The following TLE3 variants were observed in gnomAD, a reference collection of about 807,000 sequenced individuals.
TLE3 encodes transducin-like enhancer protein 3.
A neutral mutation model predicts 93.0 loss-of-function variants in TLE3; 14 were observed. The ratio of observed to expected loss-of-function variants is 0.15; its 90% CI spans 0.10 to 0.24. TLE3 has a LOEUF of 0.24. TLE3 is among the 10% of genes least tolerant of loss of function. The pLI, the probability that TLE3 is intolerant of heterozygous loss-of-function variation, is 1.00. For missense variants in TLE3, 693 were observed against 1,046.6 expected (o/e 0.66, Z 4.66); for synonymous variants, 451 against 425.0 (o/e 1.06, Z -0.75).
At chr15:70,092,631 C>A (rs941781181) in intron 4 of TLE3, among the ~76,000 whole-genome samples, 2 of 152,200 alleles carry the variant, frequency 1.3e-5, no homozygotes, top group African/African-American at 4.8e-5. Flanking sequence ...CCCTTAAGAA[C>A]CTTGTTTGGG....
intron 5 of TLE3, among the ~76,000 whole-genome samples, chr15:70,075,247 A>T (rs954625854): frequency 6.6e-6 from 1 of 152,232 alleles, no homozygotes; most frequent in Non-Finnish European, 1.5e-5. Flanking sequence ...CAACAAATGT[A>T]CCACTCTGGT....
rs2058596331 is a variant in TLE3, at chr15:70,096,936, T to C, written c.-138A>G. On this transcript the variant is annotated 5_prime_UTR_variant, in exon 1 of 20. Transcript: ENST00000451782. ...CTCGCCCCCGGCCCCCCCAGCTCGT[T>C]CTCGCAGCGAAATCCCAGAGTCGGG... is the stretch of plus-strand genomic sequence containing the variant. 1.0e-6 allele frequency: 1 copy of C among 994,204 alleles called. No homozygotes were observed. Among genetic ancestry groups the C allele is most frequent in the Non-Finnish European group, 1.5e-6 (1 of 663,716 alleles). 61.6% of individuals were successfully genotyped at this position (994,204 alleles called of 1,614,324 possible). A position where few individuals can be genotyped will look rare whatever the true frequency, so the allele number is the denominator to read the frequency against.
Position 70,048,203 on chromosome 15 carries a change from C to T in TLE3, c.*1894G>A, listed in dbSNP as rs1379692563. The T allele has an allele frequency of 2.0e-5, 3 of 152,236 alleles. No individual in the cohort carries two copies. In the East Asian group the frequency reaches 5.8e-4, roughly 29 times the overall value. 9.4% of individuals were successfully genotyped at this position (152,236 alleles called of 1,614,324 possible). ...GGCAATTAAGACGCAACAATCAAAC[C>T]AACCTTTAAATAGTAACTTTTAAAA... On this transcript the variant is annotated 3_prime_UTR_variant, in exon 20 of 20. Coordinates refer to ENST00000451782, the MANE Select transcript of TLE3 (RefSeq NM_001105192.3).
At chr15:70,095,253 A>G in intron 3 of TLE3, 1 of 1,220,918 alleles carries the variant, frequency 8.2e-7, no homozygotes. Context: ...GTCCAATCCT[A>G]TCTTACTAGC....
rs1312076305 is a variant in TLE3, at chr15:70,055,896, C to A, written c.1328+402G>T. The A allele has an allele frequency of 9.1e-6, 3 of 330,842 alleles. No individual in the cohort carries two copies. The East Asian group carries it at 2.4e-4, about 27-fold the overall frequency. 20.5% of individuals were successfully genotyped at this position (330,842 alleles called of 1,614,324 possible). On this transcript the variant is annotated intron_variant, in intron 14 of 19. Coordinates refer to ENST00000451782, the MANE Select transcript of TLE3 (RefSeq NM_001105192.3). ...TGAAGGGCCGGGGAGAGTGTGCCCT[C>A]CAGGGGAGGGAAGCACTGCTGACAG... is the stretch of plus-strand genomic sequence containing the variant.
intron 14 of TLE3, chr15:70,055,850 T>C (rs1484079125): frequency 8.0e-6 from 2 of 250,366 alleles, no homozygotes; most frequent in South Asian, 4.8e-5. Context: ...AATCTTTTAG[T>C]TTCCTAGCAA....
chr15:70,057,148 T>C (rs891942171), intron 13 of TLE3, among the ~76,000 whole-genome samples: 1 of 152,218 alleles, frequency 6.6e-6, no homozygotes, highest in Non-Finnish European at 1.5e-5. Flanking sequence ...TGACTTGCCC[T>C]GGGATTCCTA....
chr15:70,096,272 C>A lies in TLE3; in HGVS notation c.25-11G>T, dbSNP rs758733704. ...GGGTTGATGGGGAGCCTGGAGCCCG[C>A]GAAGACAAGACAGGGGAGGGGGCGG... On this transcript the variant is annotated splice_polypyrimidine_tract_variant and intron_variant, in intron 1 of 19. Transcript: ENST00000451782. 1.3e-6 allele frequency: 2 copies of A among 1,551,232 alleles called. No individual in the cohort carries two copies. The highest frequency in any genetic ancestry group is 1.7e-6 in the Non-Finnish European group (2 of 1,147,370).
rs1342589675 is a variant in TLE3 at position 70,054,379 on chromosome 15, G to A, written c.1826+59C>T. 10 of 1,569,900 alleles carry A rather than the reference G, an allele frequency of 6.4e-6. No individual in the cohort carries two copies. In the East Asian group the frequency reaches 1.8e-4, roughly 28 times the overall value. On this transcript the variant is annotated intron_variant, in intron 16 of 19. Transcript: ENST00000451782. The stretch of plus-strand genomic sequence containing the variant: ...CCAAGGTCACAGCAAACAAGACCAG[G>A]CAGGATGGGTAAAAACTTCCCCAGG...
intron 6 of TLE3, among the ~76,000 whole-genome samples, chr15:70,067,823 G>C (rs557375044): frequency 1.2e-4 from 19 of 152,242 alleles, no homozygotes; most frequent in Non-Finnish European, 2.5e-4. Flanking sequence ...GGCTCCCTTT[G>C]TCAGTTCTGG....
At chr15:70,055,492 G>A in intron 14 of TLE3, 194 bp from the exon 15 acceptor site, 1 of 633,396 alleles carries the variant, frequency 1.6e-6, no homozygotes, top group South Asian at 3.7e-5. Flanking sequence ...TAACAGACCA[G>A]CTTTGATTTT....
chr15:70,090,339 GA>G (rs141876901), intron 4 of TLE3, among the ~76,000 whole-genome samples: 1 of 150,132 alleles, frequency 6.7e-6, no homozygotes, highest in African/African-American at 2.4e-5. Context: ...TGGCAAAAAA[GA>G]AAAAAAAAAT....
intron 1 of TLE3, chr15:70,096,493 CG>C: frequency 1.7e-6 from 2 of 1,174,460 alleles, no homozygotes; most frequent in South Asian, 1.5e-5. Context: ...CCCAGTAAGG[CG>C]GGGGCGGGAG....
At chr15:70,064,404 T>C in intron 8 of TLE3, 50 bp downstream of exon 8, 1 of 1,610,266 alleles carries the variant, frequency 6.2e-7, no homozygotes, top group Admixed American at 1.7e-5. Flanking sequence ...GAGTCCCACC[T>C]CCTCCCAGCA....
Position 70,096,278 on chromosome 15 carries a change from C to A in TLE3, c.25-17G>T, listed in dbSNP as rs888062832. The A allele has an allele frequency of 6.4e-7, 1 of 1,550,758 alleles. No individual in the cohort carries two copies. The highest frequency in any genetic ancestry group is 8.7e-7 in the Non-Finnish European group (1 of 1,147,180). On this transcript the variant is annotated splice_polypyrimidine_tract_variant and intron_variant, in intron 1 of 19. Transcript: ENST00000451782. The stretch of plus-strand genomic sequence containing the variant: ...ATGGGGAGCCTGGAGCCCGCGAAGA[C>A]AAGACAGGGGAGGGGGCGGGGGCAT...
intron 18 of TLE3, 84 bp downstream of exon 18, chr15:70,052,290 T>C (rs1031036763): frequency 6.5e-7 from 1 of 1,542,656 alleles, no homozygotes. Flanking sequence ...CTATAAGCTT[T>C]GGGCCCCTCT....
chr15:70,079,226 C>A, intron 4 of TLE3: 1 of 346,934 alleles, frequency 2.9e-6, no homozygotes, highest in South Asian at 2.1e-5. Context: ...CGCAACAATG[C>A]CACACAGATG....
intron 6 of TLE3, among the ~76,000 whole-genome samples, chr15:70,068,053 G>C (rs1220746895): frequency 6.6e-6 from 1 of 152,178 alleles, no homozygotes; most frequent in African/African-American, 2.4e-5. Context: ...AGCTCCTCTA[G>C]GATGGGCGCT....
At chr15:70,074,669 T>A in intron 5 of TLE3, 62 bp from the exon 6 acceptor site, 1 of 1,427,042 alleles carries the variant, frequency 7.0e-7, no homozygotes, top group Non-Finnish European at 9.6e-7. Context: ...GGTCACAGGC[T>A]GTGCAGCACT....
Sources: gnomAD v4.1 joint callset for allele counts (sites outside exome capture counted in the v4.1 genomes callset) on GRCh38, gnomAD v4.1.1 for gene constraint, MANE v1.5 for transcripts, NCBI Gene and HGNC (gene_info 2026-07-23, HGNC 2026-07-21) for gene names.